CIART: variants seen among roughly 807,000 people sequenced by gnomAD.
The protein encoded by CIART is circadian associated repressor of transcription, also known as circadian-associated transcriptional repressor.
In CIART, 7 loss-of-function variants were observed where a neutral mutation model predicts 22.1. The observed-to-expected ratio is 0.32, with a 90% confidence interval of 0.18 to 0.59. The LOEUF is 0.59. CIART is among the 20% of genes least tolerant of loss of function. The pLI is 0.86. For missense variants in CIART, 440 were observed against 478.0 expected (o/e 0.92, Z 0.74); for synonymous variants, 163 against 174.6 (o/e 0.93, Z 0.53).
chr1:150,283,306 C>T lies in CIART; in HGVS notation c.39C>T (p.Tyr13=). 1.3e-6 allele frequency: 2 copies of T among 1,533,988 alleles called. No homozygotes were observed. The highest frequency in any genetic ancestry group is 1.3e-5 in the South Asian group (1 of 77,100). ...SPSSVSSYSS[Y]SLSSSFPTSP... ...CTAGCGTTTCTTCCTATTCCTCCTA[C>T]TCTCTCTCTTCGTCTTTTCCCACCT... The change falls in exon 1 of 5, where the codon TAC becomes TAT. Residue 13 remains tyrosine (Y), a synonymous_variant. Transcript: ENST00000290363.
rs782424847 is a variant in CIART at position 150,286,958 on chromosome 1, A to C, written c.*4A>C. ...TGCTCATCTTCTCAACCTCTAGCCC[A>C]GGGCATACAGCTGTCCACTGTGACT... is the stretch of plus-strand genomic sequence containing the variant. On this transcript the variant is annotated 3_prime_UTR_variant, in exon 5 of 5. Coordinates refer to ENST00000290363, the MANE Select transcript of CIART (RefSeq NM_144697.4). 6.4e-6 allele frequency: 10 copies of C among 1,556,426 alleles called. No individual in the cohort carries two copies. The highest frequency in any genetic ancestry group is 8.7e-7 in the Non-Finnish European group (1 of 1,148,830).
intron 4 of CIART, chr1:150,285,548 A>AAAAG: frequency 6.3e-6 from 1 of 159,990 alleles, no homozygotes; most frequent in Non-Finnish European, 1.3e-5. Context: ...AAAAAAAAAA[A>AAAAG]AGTGACCTAT....
rs969778711 is a variant in CIART at position 150,283,790 on chromosome 1, C to T, written c.367-15C>T. On this transcript the variant is annotated splice_polypyrimidine_tract_variant and intron_variant, in intron 1 of 4. Transcript: ENST00000290363. ...TTTTTTGTCTTCTTACAGCCTTTGT[C>T]CTATTTTCCTACAGTGTAAAGAACT... 2 of 1,565,790 alleles carry T rather than the reference C, an allele frequency of 1.3e-6. No individual in the cohort carries two copies. Among genetic ancestry groups the T allele is most frequent in the South Asian group, 1.1e-5 (1 of 89,994 alleles).
chr1:150,283,537 AG>A lies in CIART; in HGVS notation c.272del (p.Gly91AspfsTer16). ...KQRGSASPMA[G>X]SGAKRSRDGE... ...AGCGGGGTTCGGCTTCTCCTATGGCAGGATCTGGGGCGAAAAGATCAAGAGA... is the reference window on the plus strand; with the variant it reads ...AGCGGGGTTCGGCTTCTCCTATGGCAGATCTGGGGCGAAAAGATCAAGAGA... On this transcript the variant is annotated frameshift_variant, in exon 1 of 5. Transcript: ENST00000290363. LOFTEE classifies it high-confidence loss of function. 3 of 1,614,236 alleles carry A rather than the reference AG, an allele frequency of 1.9e-6. No homozygotes were observed. Among genetic ancestry groups the A allele is most frequent in the South Asian group, 1.1e-5 (1 of 91,088 alleles).
At position 150,282,652 on chromosome 1, in the gene CIART, G is replaced by C. The variant is rs1233353425; in HGVS notation, c.-616G>C. ...ATTCGGAGGACAAAGCGAGCTGTTA[G>C]GGAGTATTTGGGAGTGGATTTGGGG... On this transcript the variant is annotated 5_prime_UTR_variant, in exon 1 of 5. Coordinates refer to ENST00000290363, the MANE Select transcript of CIART (RefSeq NM_144697.4). 1.3e-5 allele frequency: 2 copies of C among 152,584 alleles called. No individual in the cohort carries two copies. The highest frequency in any genetic ancestry group is 4.8e-5 in the African/African-American group (2 of 41,440). 9.5% of individuals were successfully genotyped at this position (152,584 alleles called of 1,614,324 possible).
intron 1 of CIART, 82 bp downstream of exon 1, chr1:150,283,715 T>C: frequency 2.6e-6 from 4 of 1,565,112 alleles, no homozygotes; most frequent in East Asian, 2.2e-5. Flanking sequence ...GAGGACAGTA[T>C]TGACTCCCAG....
chr1:150,284,003 T>TTTATTA lies in CIART; in HGVS notation c.442+147_442+152dup, dbSNP rs57585190. 9.7e-3 allele frequency: 4,768 copies of TTTATTA among 489,976 alleles called. 45 individuals carry two copies. The highest frequency in any genetic ancestry group is 0.024 in the African/African-American group (918 of 38,236). 30.4% of individuals were successfully genotyped at this position (489,976 alleles called of 1,614,324 possible). A position where few individuals can be genotyped will look rare whatever the true frequency, so the allele number is the denominator to read the frequency against. On this transcript the variant is annotated intron_variant, in intron 2 of 4. Transcript: ENST00000290363. ...ATTACTCCTTTTTTGCTACTATGAC[T>TTTATTA]TTATTATTATTATTATTATTATTAT...
chr1:150,284,790 A>G, intron 4 of CIART, 82 bp downstream of exon 4: 2 of 1,029,638 alleles, frequency 1.9e-6, no homozygotes, highest in East Asian at 2.4e-5. Flanking sequence ...CCCTTTTGCC[A>G]TTTTCTTTTG....
At position 150,286,993 on chromosome 1, in the gene CIART, T is replaced by C; in HGVS notation, c.*39T>C. The C allele has an allele frequency of 6.9e-7, 1 of 1,448,614 alleles. No homozygotes were observed. Among genetic ancestry groups the C allele is most frequent in the Non-Finnish European group, 9.3e-7 (1 of 1,075,422 alleles). 89.7% of individuals were successfully genotyped at this position (1,448,614 alleles called of 1,614,324 possible). On this transcript the variant is annotated 3_prime_UTR_variant, in exon 5 of 5. Coordinates refer to ENST00000290363, the MANE Select transcript of CIART (RefSeq NM_144697.4). ...GCTGTCCACTGTGACTTCTAATTTGTGTAAATATTTATGTATATATGTATT... is the reference window on the plus strand; with the variant it reads ...GCTGTCCACTGTGACTTCTAATTTGCGTAAATATTTATGTATATATGTATT...
At position 150,282,598 on chromosome 1, in the gene CIART, G is replaced by A. The variant is rs1439377413; in HGVS notation, c.-670G>A. 2 of 152,438 alleles carry A rather than the reference G, an allele frequency of 1.3e-5. No homozygotes were observed. Among genetic ancestry groups the A allele is most frequent in the East Asian group, 3.9e-4 (2 of 5,194 alleles). The allele number at this position is 152,438 out of a possible 1,614,324, so 9.4% of individuals were successfully genotyped here. A position where few individuals can be genotyped will look rare whatever the true frequency, so the allele number is the denominator to read the frequency against. ...GCGAAGGAGCTGGAAACCGAGCCAGGGCTGAGCCGGCTGACAACAGGTAAG... is the reference window on the plus strand; with the variant it reads ...GCGAAGGAGCTGGAAACCGAGCCAGAGCTGAGCCGGCTGACAACAGGTAAG... On this transcript the variant is annotated 5_prime_UTR_variant, in exon 1 of 5. Transcript: ENST00000290363.
intron 3 of CIART, 37 bp downstream of exon 3, chr1:150,284,541 A>G (rs1174207643): frequency 1.0e-5 from 16 of 1,596,476 alleles, no homozygotes; most frequent in Non-Finnish European, 1.4e-5. Flanking sequence ...GTCTTCATAA[A>G]AAGGAGATTT....
Position 150,283,206 on chromosome 1 carries a change from A to T in CIART, c.-62A>T. On this transcript the variant is annotated 5_prime_UTR_variant, in exon 1 of 5. Coordinates refer to ENST00000290363, the MANE Select transcript of CIART (RefSeq NM_144697.4). ...TTCAAACTCCCTCGCTTTGCTCTTC[A>T]GTTGCAGGTTCCGATCTTTGGGTAC... is the stretch of plus-strand genomic sequence containing the variant. 7.0e-7 allele frequency: 1 copy of T among 1,437,264 alleles called. No individual in the cohort carries two copies. The highest frequency in any genetic ancestry group is 2.4e-5 in the East Asian group (1 of 42,540). 89.0% of individuals were successfully genotyped at this position (1,437,264 alleles called of 1,614,324 possible). A position where few individuals can be genotyped will look rare whatever the true frequency, so the allele number is the denominator to read the frequency against.
chr1:150,283,945 T>G, intron 2 of CIART, 65 bp downstream of exon 2: 1 of 1,288,806 alleles, frequency 7.8e-7, no homozygotes, highest in South Asian at 1.2e-5. Flanking sequence ...TCTTTTGACG[T>G]GTATTTCTCT....
At chr1:150,284,318 C>G (rs1322058505) in intron 2 of CIART, 108 bp from the exon 3 acceptor site, 3 of 1,117,084 alleles carry the variant, frequency 2.7e-6, no homozygotes, top group South Asian at 2.7e-5. Context: ...CTTGCCTGGC[C>G]CGACTTAATT....
At chr1:150,284,326 AT>A in intron 2 of CIART, 99 bp from the exon 3 acceptor site, 8 of 1,224,708 alleles carry the variant, frequency 6.5e-6, no homozygotes, top group Non-Finnish European at 8.4e-6. Flanking sequence ...GCCCGACTTA[AT>A]TTTTTTAGAT....
In CIART at chr1:150,283,791, C is replaced by T. The variant is rs981378388; in HGVS notation, c.367-14C>T. The T allele has an allele frequency of 1.3e-6, 2 of 1,568,796 alleles. No homozygotes were observed. The highest frequency in any genetic ancestry group is 8.8e-7 in the Non-Finnish European group (1 of 1,138,974). ...TTTTTGTCTTCTTACAGCCTTTGTC[C>T]TATTTTCCTACAGTGTAAAGAACTC... On this transcript the variant is annotated splice_polypyrimidine_tract_variant and intron_variant, in intron 1 of 4. Coordinates refer to ENST00000290363, the MANE Select transcript of CIART (RefSeq NM_144697.4).
intron 4 of CIART, 96 bp downstream of exon 4, chr1:150,284,804 C>A: frequency 1.2e-6 from 1 of 855,372 alleles, no homozygotes; most frequent in Non-Finnish European, 1.9e-6. Context: ...TCTTTTGAGT[C>A]TTTTCTTCAA....
At chr1:150,284,360 G>T in intron 2 of CIART, 66 bp from the exon 3 acceptor site, 1 of 1,437,268 alleles carries the variant, frequency 7.0e-7, no homozygotes, top group Non-Finnish European at 9.8e-7. Flanking sequence ...ACCCCCTTCT[G>T]TTCTTCCTTT....
chr1:150,283,975 T>C, intron 2 of CIART, 95 bp downstream of exon 2: 1 of 797,868 alleles, frequency 1.3e-6, no homozygotes, highest in Non-Finnish European at 2.1e-6. Context: ...GTTTGGGGCC[T>C]ATATTACTCC....
Sources: gnomAD v4.1 joint callset for allele counts on GRCh38, gnomAD v4.1.1 for gene constraint, MANE v1.5 for transcripts, NCBI Gene and HGNC (gene_info 2026-07-23, HGNC 2026-07-21) for gene names.